Variants in KANK1 observed in about 807,000 individuals in gnomAD.
KANK1 encodes the protein KN motif and ankyrin repeat domains 1, also known as KN motif and ankyrin repeat domain-containing protein 1.
KANK1 carries 109 observed loss-of-function variants against 106.2 expected under a neutral mutation model. The ratio of observed to expected loss-of-function variants is 1.03; its 90% CI spans 0.88 to 1.20. The LOEUF (loss-of-function observed/expected upper bound fraction) is 1.20. Ranked by LOEUF, KANK1 falls within the 50% of genes most tolerant of loss-of-function variation. The pLI, the probability that KANK1 is intolerant of heterozygous loss-of-function variation, is 0.00. For missense variants in KANK1, 2,399 were observed against 1,710.7 expected (o/e 1.40, Z -7.10); for synonymous variants, 873 against 652.2 (o/e 1.34, Z -5.16).
At chr9:471,971 C>T (rs1486633678) in intron 2 of KANK1, among the ~76,000 whole-genome samples, 2 of 152,156 alleles carry the variant, frequency 1.3e-5, no homozygotes, top group Non-Finnish European at 2.9e-5. Context: ...CGATTATTCC[C>T]CTGCCCCCAA....
rs775639566 is a variant in KANK1 at position 713,186 on chromosome 9, C to A, written c.2420C>A (p.Ser807Tyr). ...GTTGGGGATGACCCTGTAGGGGAAT[C>A]TCTGGAGAACCCCCAGCCTCAAGCT... ...VGVGDDPVGESLENPQPQAPL... is the reference protein window; with the variant it reads ...VGVGDDPVGEYLENPQPQAPL... Residue 807 changes from serine (S) to tyrosine (Y), a missense_variant, in exon 3 of 12, where the codon TCT becomes TAT. Physicochemically the swap from Ser to Tyr is moderately radical, Grantham distance 144. Coordinates refer to ENST00000382297, the MANE Select transcript of KANK1 (RefSeq NM_015158.5). 3.5e-5 allele frequency: 55 copies of A among 1,584,398 alleles called. No homozygotes were observed. The highest frequency in any genetic ancestry group is 1.2e-4 in the African/African-American group (9 of 74,290).
At chr9:744,218 C>T (rs773689295) in intron 10 of KANK1, among the ~76,000 whole-genome samples, 31 of 149,568 alleles carry the variant, frequency 2.1e-4, no homozygotes, top group Non-Finnish European at 4.0e-4. Flanking sequence ...CTTTCTATCC[C>T]CATCTTCTGC....
At chr9:500,111 C>G (rs1371727513), upstream of KANK1, among the ~76,000 whole-genome samples, 1 of 152,120 alleles carries the variant, frequency 6.6e-6, no homozygotes, top group East Asian at 1.9e-4. Context: ...CTTCTTGCAC[C>G]TGCTGTTTTT....
At chr9:741,881 A>G (rs1411173021) in intron 9 of KANK1, among the ~76,000 whole-genome samples, 1 of 151,934 alleles carries the variant, frequency 6.6e-6, no homozygotes, top group Non-Finnish European at 1.5e-5. Context: ...AGCCTCCCAA[A>G]GTGCTAGGGT....
At chr9:700,763 CGAA>C (rs1468004251) in intron 2 of KANK1, among the ~76,000 whole-genome samples, 2 of 152,034 alleles carry the variant, frequency 1.3e-5, no homozygotes, top group African/African-American at 4.8e-5. Context: ...TGGTATCTGG[CGAA>C]GAAAAACACA....
At chr9:665,950 C>A (rs11496492) in intron 1 of KANK1, among the ~76,000 whole-genome samples, 1 of 152,034 alleles carries the variant, frequency 6.6e-6, no homozygotes, top group African/African-American at 2.4e-5. Context: ...GAGGCCAAAG[C>A]GGGAGAATTG....
chr9:743,644 C>G (rs146127920), intron 10 of KANK1, among the ~76,000 whole-genome samples: 1 of 151,950 alleles, frequency 6.6e-6, no homozygotes, highest in African/African-American at 2.4e-5. Flanking sequence ...ACAGGAGGAT[C>G]GCTCGAGCCC....
At chr9:513,573 T>C (rs1449505327) in intron 1 of KANK1, among the ~76,000 whole-genome samples, 1 of 152,256 alleles carries the variant, frequency 6.6e-6, no homozygotes, top group Non-Finnish European at 1.5e-5. Context: ...TCATTGTATA[T>C]TGCAGATATA....
At chr9:596,942 T>C (rs962509410) in intron 1 of KANK1, among the ~76,000 whole-genome samples, 1 of 129,522 alleles carries the variant, frequency 7.7e-6, no homozygotes, top group Admixed American at 7.3e-5. Context: ...TAATCTGCTT[T>C]CAGTCTCTAT....
At chr9:615,296 CTG>C (rs1295466045) in intron 1 of KANK1, among the ~76,000 whole-genome samples, 2 of 152,176 alleles carry the variant, frequency 1.3e-5, no homozygotes, top group African/African-American at 4.8e-5. Flanking sequence ...TTATTTGAAA[CTG>C]TTAATAGACA....
intron 10 of KANK1, among the ~76,000 whole-genome samples, chr9:743,437 T>C (rs530846005): frequency 6.6e-6 from 1 of 152,226 alleles, no homozygotes; most frequent in Non-Finnish European, 1.5e-5. Context: ...CAGAAGAGTT[T>C]GTTAGCTGTG....
intron 1 of KANK1, among the ~76,000 whole-genome samples, chr9:550,535 A>G (rs980509854): frequency 6.6e-6 from 1 of 152,222 alleles, no homozygotes; most frequent in African/African-American, 2.4e-5. Context: ...GGTTGAGGTC[A>G]GGAGTTTGAG....
chr9:596,355 G>A (rs979046021), intron 1 of KANK1, among the ~76,000 whole-genome samples: 4 of 151,860 alleles, frequency 2.6e-5, no homozygotes, highest in Admixed American at 2.6e-4. Context: ...TGTAAGGGAG[G>A]GTGTAGAACT....
At chr9:576,003 A>G (rs1305793595) in intron 1 of KANK1, among the ~76,000 whole-genome samples, 3 of 152,262 alleles carry the variant, frequency 2.0e-5, no homozygotes, top group Non-Finnish European at 4.4e-5. Context: ...AGCGTAGGCA[A>G]CAGAGTGCAA....
intron 3 of KANK1, among the ~76,000 whole-genome samples, chr9:499,247 AAG>A (rs1462864254): frequency 6.6e-6 from 1 of 152,126 alleles, no homozygotes; most frequent in Admixed American, 6.5e-5. Context: ...ATACATACCT[AAG>A]AGAGAGGAAA....
chr9:721,128 G>A (rs1483643846), intron 3 of KANK1, among the ~76,000 whole-genome samples: 1 of 152,210 alleles, frequency 6.6e-6, no homozygotes, highest in Admixed American at 6.5e-5. Context: ...TTTACAGAGT[G>A]CTTTGGGGAA....
chr9:675,111 ATTAC>A (rs910639524), intron 1 of KANK1, among the ~76,000 whole-genome samples: 2 of 152,168 alleles, frequency 1.3e-5, no homozygotes, highest in Admixed American at 6.5e-5. Flanking sequence ...TTTTGGTACA[ATTAC>A]TTCTCATCGT....
At position 580,754 on chromosome 9, in the gene KANK1, C is replaced by T. The variant is rs537074619; in HGVS notation, c.-84+76000C>T. 2.6e-5 allele frequency among the ~76,000 whole-genome samples: 4 copies of T among 152,390 alleles called. No individual in the cohort carries two copies. The East Asian group carries it at 7.7e-4, about 29-fold the overall frequency. On this transcript the variant is annotated intron_variant, in intron 1 of 11. Coordinates refer to ENST00000382297, the MANE Select transcript of KANK1 (RefSeq NM_015158.5). ...GCCGCAGGCGGAGCTGCCTGCCAGT[C>T]CCGCGCTGTGCGCCCGCACTCCTGA... is the stretch of plus-strand genomic sequence containing the variant.
At chr9:680,471 C>T (rs1006309461) in intron 2 of KANK1, among the ~76,000 whole-genome samples, 1 of 152,188 alleles carries the variant, frequency 6.6e-6, no homozygotes, top group Non-Finnish European at 1.5e-5. Context: ...TATTATGCCA[C>T]ACTTCAGACA....
Sources: gnomAD v4.1 joint callset for allele counts (sites outside exome capture counted in the v4.1 genomes callset) on GRCh38, gnomAD v4.1.1 for gene constraint, MANE v1.5 for transcripts, NCBI Gene and HGNC (gene_info 2026-07-23, HGNC 2026-07-21) for gene names.